CDH7: variants seen among roughly 807,000 people sequenced by gnomAD.
The protein encoded by CDH7 is cadherin-7.
In CDH7, 25 loss-of-function variants were observed where a neutral mutation model predicts 71.8. That is an observed-to-expected ratio of 0.35 (90% CI 0.25 to 0.49). The LOEUF (loss-of-function observed/expected upper bound fraction) is 0.49, where lower values mean the gene tolerates loss of function less well. Among genes scored for constraint, CDH7 ranks in the 20% least tolerant of loss-of-function variants. The pLI, the probability that CDH7 is intolerant of heterozygous loss-of-function variation, is 0.99. For missense variants in CDH7, 862 were observed against 974.6 expected, an observed-to-expected ratio of 0.88 and a Z score of 1.54; for synonymous variants, 381 against 363.8, an observed-to-expected ratio of 1.05 and a Z score of -0.54.
At chr18:65,846,368 G>T (rs189211539) in intron 7 of CDH7, among the ~76,000 whole-genome samples, 3 of 152,200 alleles carry the variant, frequency 2.0e-5, no homozygotes, top group African/African-American at 7.2e-5. Flanking sequence ...TGACCTGAAG[G>T]TTCAGGTTTC....
At chr18:65,816,537 A>C (rs1344177405) in intron 4 of CDH7, among the ~76,000 whole-genome samples, 1 of 152,190 alleles carries the variant, frequency 6.6e-6, no homozygotes, top group East Asian at 1.9e-4. Flanking sequence ...TATTGAAATT[A>C]TGCTAAATAA....
chr18:65,845,974 G>A lies in CDH7; in HGVS notation c.1235+1909G>A, dbSNP rs572701007. Among the ~76,000 whole-genome samples the A allele has an allele frequency of 7.2e-5, 11 of 152,122 alleles. No individual in the cohort carries two copies. The East Asian group carries it at 2.1e-3, about 29-fold the overall frequency. ...GAATAAGTAAAATGAAAGGATTTAA[G>A]AATATTTTCATTGATTGCATTGATA... On this transcript the variant is annotated intron_variant, in intron 7 of 11. Coordinates refer to ENST00000397968, the MANE Select transcript of CDH7 (RefSeq NM_004361.5).
intron 3 of CDH7, among the ~76,000 whole-genome samples, chr18:65,813,197 T>G (rs549900854): frequency 1.0e-3 from 157 of 152,328 alleles, no homozygotes; most frequent in African/African-American, 3.1e-3. Context: ...CTGGGCATGG[T>G]GGCGCATGCC....
Position 65,884,011 on chromosome 18 carries a change from A to G in CDH7, c.*3117A>G, listed in dbSNP as rs1017013762. 6.6e-6 allele frequency: 1 copy of G among 152,124 alleles called. No homozygotes were observed. Among genetic ancestry groups the G allele is most frequent in the South Asian group, 2.1e-4 (1 of 4,830 alleles). 9.4% of individuals were successfully genotyped at this position (152,124 alleles called of 1,614,324 possible). ...TCCACTTGTCCATACAGGAGCATCA[A>G]TAGAAACTCAGGGTTTGCCAAATTA... On this transcript the variant is annotated 3_prime_UTR_variant, in exon 12 of 12. Coordinates refer to ENST00000397968, the MANE Select transcript of CDH7 (RefSeq NM_004361.5).
At chr18:65,769,594 AGTT>A (rs919185152) in intron 2 of CDH7, among the ~76,000 whole-genome samples, 1 of 152,208 alleles carries the variant, frequency 6.6e-6, no homozygotes, top group Non-Finnish European at 1.5e-5. Flanking sequence ...AAAATTTGCC[AGTT>A]GTTCTAATAA....
intron 7 of CDH7, among the ~76,000 whole-genome samples, chr18:65,856,892 A>C (rs1913376396): frequency 6.6e-6 from 1 of 152,090 alleles, no homozygotes; most frequent in African/African-American, 2.4e-5. Flanking sequence ...TCACTGCTGA[A>C]AAAATGTTTG....
At chr18:65,818,215 C>G (rs1911788889) in intron 4 of CDH7, among the ~76,000 whole-genome samples, 1 of 152,136 alleles carries the variant, frequency 6.6e-6, no homozygotes, top group African/African-American at 2.4e-5. Context: ...CATTTCATTT[C>G]TAATTTACTT....
At chr18:65,844,274 C>T (rs940825305) in intron 7 of CDH7, among the ~76,000 whole-genome samples, 3 of 149,290 alleles carry the variant, frequency 2.0e-5, no homozygotes, top group Admixed American at 6.7e-5. Flanking sequence ...AGGCCATTAT[C>T]GTTGAGCCAT....
chr18:65,770,968 A>G (rs187696396), intron 2 of CDH7, among the ~76,000 whole-genome samples: 2 of 152,284 alleles, frequency 1.3e-5, no homozygotes, highest in African/African-American at 4.8e-5. Context: ...GAAGTCCACA[A>G]AGTGCCAGCA....
intron 6 of CDH7, among the ~76,000 whole-genome samples, chr18:65,841,309 T>A: frequency 6.6e-6 from 1 of 152,180 alleles, no homozygotes; most frequent in East Asian, 1.9e-4. Context: ...TTGCATTCAT[T>A]TCTGCAGTAC....
In CDH7 at chr18:65,884,574, A is replaced by G. The variant is rs1002175885; in HGVS notation, c.*3680A>G. ...CTACATTGGATGGTAGACATAGGCA[A>G]TTATTTTCATGTCAACGGCATAGTT... On this transcript the variant is annotated 3_prime_UTR_variant, in exon 12 of 12. Coordinates refer to ENST00000397968, the MANE Select transcript of CDH7 (RefSeq NM_004361.5). 1.3e-5 allele frequency: 2 copies of G among 152,196 alleles called. No individual in the cohort carries two copies. The highest frequency in any genetic ancestry group is 4.8e-5 in the African/African-American group (2 of 41,458). The allele number at this position is 152,196 out of a possible 1,614,324, so 9.4% of individuals were successfully genotyped here.
intron 2 of CDH7, among the ~76,000 whole-genome samples, chr18:65,765,265 C>T (rs1916320117): frequency 6.6e-6 from 1 of 151,836 alleles, no homozygotes; most frequent in African/African-American, 2.4e-5. Context: ...AATGCAAGGC[C>T]TTACAGGAAC....
At chr18:65,878,158 A>G (rs2086874) in intron 11 of CDH7, among the ~76,000 whole-genome samples, 120,085 of 152,084 alleles carry the variant, frequency 0.79, 47,606 homozygotes, top group East Asian at 0.97. Flanking sequence ...ATTTCTCACT[A>G]TACCACCTTT....
Position 65,802,309 on chromosome 18 carries a change from GA to G in CDH7, c.211-7389del, listed in dbSNP as rs1384682513. 2.0e-5 allele frequency among the ~76,000 whole-genome samples: 3 copies of G among 152,226 alleles called. No individual in the cohort carries two copies. In the East Asian group the frequency reaches 5.8e-4, roughly 29 times the overall value. Reference sequence around the variant, plus strand: ...TGCAATAAAAATAAATTTCTTAGATGAAAAAATCAGTTCCCATTATTTTCAT... The same window carrying G: ...TGCAATAAAAATAAATTTCTTAGATGAAAAATCAGTTCCCATTATTTTCAT... On this transcript the variant is annotated intron_variant, in intron 2 of 11. Transcript: ENST00000397968.
chr18:65,792,677 A>G (rs1298088567), intron 2 of CDH7, among the ~76,000 whole-genome samples: 1 of 152,020 alleles, frequency 6.6e-6, no homozygotes, highest in East Asian at 1.9e-4. Context: ...AGAAGCAAAC[A>G]AGAAAAAAAA....
At chr18:65,770,319 C>CA (rs1916505670) in intron 2 of CDH7, among the ~76,000 whole-genome samples, 1 of 152,092 alleles carries the variant, frequency 6.6e-6, no homozygotes, top group Non-Finnish European at 1.5e-5. Flanking sequence ...ACATTGCCTA[C>CA]AAAATCTAAA....
At chr18:65,872,297 C>T (rs1913951398) in intron 11 of CDH7, among the ~76,000 whole-genome samples, 1 of 152,076 alleles carries the variant, frequency 6.6e-6, no homozygotes, top group Non-Finnish European at 1.5e-5. Flanking sequence ...GCAGGGAAAA[C>T]TCAGATTGCT....
intron 6 of CDH7, among the ~76,000 whole-genome samples, chr18:65,826,199 T>C: frequency 6.6e-6 from 1 of 151,126 alleles, no homozygotes; most frequent in East Asian, 1.9e-4. Context: ...TCTAAAAGCA[T>C]AAAACTCATT....
intron 2 of CDH7, among the ~76,000 whole-genome samples, chr18:65,770,910 A>G (rs1189601004): frequency 6.6e-6 from 1 of 152,198 alleles, no homozygotes; most frequent in East Asian, 1.9e-4. Flanking sequence ...AAAATATCAG[A>G]TTAGATAACT....
Sources: gnomAD v4.1 joint callset for allele counts (sites outside exome capture counted in the v4.1 genomes callset) on GRCh38, gnomAD v4.1.1 for gene constraint, MANE v1.5 for transcripts, NCBI Gene and HGNC (gene_info 2026-07-23, HGNC 2026-07-21) for gene names.